GALNT13: variants seen among roughly 807,000 people sequenced by gnomAD.
GALNT13 encodes the protein polypeptide N-acetylgalactosaminyltransferase 13.
A neutral mutation model predicts 64.2 loss-of-function variants in GALNT13; 28 were observed. The ratio of observed to expected loss-of-function variants is 0.44; its 90% confidence interval spans 0.32 to 0.60. GALNT13 has a LOEUF of 0.60. GALNT13 is among the 20% of genes least tolerant of loss of function. The pLI, the probability that GALNT13 is intolerant of heterozygous loss-of-function variation, is 0.05. For synonymous variants in GALNT13, 214 were observed against 224.6 expected (o/e 0.95, Z 0.42); for missense variants, 577 against 669.8 (o/e 0.86, Z 1.53).
At chr2:153,489,014 T>C in the GALNT13 span, among the ~76,000 whole-genome samples, 1 of 152,154 alleles carries the variant, frequency 6.6e-6, no homozygotes, top group African/African-American at 2.4e-5. Flanking sequence ...GTGAAACAAC[T>C]GAGAGGCAGA....
intron 3 of GALNT13, among the ~76,000 whole-genome samples, chr2:154,139,083 A>C (rs1300135140): frequency 1.3e-5 from 2 of 151,784 alleles, no homozygotes; most frequent in Non-Finnish European, 2.9e-5. Context: ...ACTTTTTTTT[A>C]CCCATATCTA....
chr2:153,360,199 C>T, the GALNT13 span, among the ~76,000 whole-genome samples: 1 of 152,138 alleles, frequency 6.6e-6, no homozygotes, highest in African/African-American at 2.4e-5. Flanking sequence ...GCAGGGGAGC[C>T]CCCAACCCCC....
chr2:153,927,714 G>T (rs1026948662), intron 2 of GALNT13, among the ~76,000 whole-genome samples: 8 of 151,756 alleles, frequency 5.3e-5, no homozygotes, highest in African/African-American at 1.7e-4. Context: ...TCCTCTAATT[G>T]CCTGTCTTTT....
the GALNT13 span, among the ~76,000 whole-genome samples, chr2:153,199,717 G>A: frequency 6.6e-6 from 1 of 152,122 alleles, no homozygotes; most frequent in Non-Finnish European, 1.5e-5. Context: ...CTATGTTTAT[G>A]CTGTAAAATT....
chr2:153,890,379 A>G (rs1291389411), intron 1 of GALNT13, among the ~76,000 whole-genome samples: 1 of 151,996 alleles, frequency 6.6e-6, no homozygotes, highest in South Asian at 2.1e-4. Context: ...GAGTTTTGTT[A>G]GTATCGACAG....
the GALNT13 span, among the ~76,000 whole-genome samples, chr2:153,351,653 CT>C: frequency 6.6e-6 from 1 of 152,320 alleles, no homozygotes; most frequent in East Asian, 1.9e-4. Context: ...CAACTACTAT[CT>C]TTTCATTGTC....
At chr2:154,400,473 A>G (rs1699251935) in intron 10 of GALNT13, among the ~76,000 whole-genome samples, 1 of 152,110 alleles carries the variant, frequency 6.6e-6, no homozygotes, top group Non-Finnish European at 1.5e-5. Context: ...ATTTCCTTTT[A>G]TAACTTTCCT....
intron 4 of GALNT13, among the ~76,000 whole-genome samples, chr2:154,143,352 C>A (rs1217310058): frequency 1.3e-5 from 2 of 152,014 alleles, no homozygotes; most frequent in African/African-American, 2.4e-5. Context: ...TGGTTTTCAG[C>A]CCCAGGAACC....
intron 3 of GALNT13, among the ~76,000 whole-genome samples, chr2:153,976,814 T>G (rs1032443671): frequency 4.6e-5 from 7 of 152,072 alleles, no homozygotes; most frequent in African/African-American, 1.7e-4. Flanking sequence ...AATTTGCATA[T>G]TTTTGTAACA....
At chr2:153,139,778 G>GT in the GALNT13 span, among the ~76,000 whole-genome samples, 1 of 152,002 alleles carries the variant, frequency 6.6e-6, no homozygotes, top group East Asian at 1.9e-4. Flanking sequence ...ATGCCAGGAG[G>GT]TCTTGGCATG....
chr2:153,723,284 G>C, the GALNT13 span, among the ~76,000 whole-genome samples: 1 of 149,982 alleles, frequency 6.7e-6, no homozygotes, highest in African/African-American at 2.5e-5. Flanking sequence ...CAATAAATTA[G>C]GTATTGATGG....
At chr2:153,287,562 C>A in the GALNT13 span, among the ~76,000 whole-genome samples, 2 of 152,090 alleles carry the variant, frequency 1.3e-5, no homozygotes, top group Non-Finnish European at 2.9e-5. Flanking sequence ...GGAAGGTGGC[C>A]TTCCCCGGGG....
chr2:154,068,765 TA>T (rs1359727606), intron 3 of GALNT13, among the ~76,000 whole-genome samples: 1 of 151,948 alleles, frequency 6.6e-6, no homozygotes, highest in African/African-American at 2.4e-5. Flanking sequence ...GATTAATGAG[TA>T]CAAAAATATA....
chr2:153,082,592 TATATATATATATATATATATATATATAC>T, the GALNT13 span, among the ~76,000 whole-genome samples: 34 of 39,760 alleles, frequency 8.6e-4, no homozygotes, highest in Admixed American at 3.8e-3. Flanking sequence ...TATATATATA[TATATATATATATATATATATATATATAC>T]ACACACACAC....
At chr2:153,354,305 T>A in the GALNT13 span, 1 of 152,232 alleles carries the variant, frequency 6.6e-6, no homozygotes, top group African/African-American at 2.4e-5. Flanking sequence ...GAAGTGGAGA[T>A]CTTTTTCCCT....
At chr2:154,018,186 A>C (rs1697135504) in intron 3 of GALNT13, among the ~76,000 whole-genome samples, 1 of 152,190 alleles carries the variant, frequency 6.6e-6, no homozygotes, top group Non-Finnish European at 1.5e-5. Flanking sequence ...ACACTCAGTA[A>C]ATATATGAAC....
chr2:153,123,465 T>A, the GALNT13 span, among the ~76,000 whole-genome samples: 1 of 152,150 alleles, frequency 6.6e-6, no homozygotes, highest in African/African-American at 2.4e-5. Context: ...AAGGACAAGA[T>A]TAAGGGTGTT....
At chr2:154,205,965 G>A (rs1205636418) in intron 4 of GALNT13, among the ~76,000 whole-genome samples, 1 of 151,786 alleles carries the variant, frequency 6.6e-6, no homozygotes, top group Non-Finnish European at 1.5e-5. Flanking sequence ...TGACATACAT[G>A]TTTTGAAACA....
At chr2:154,065,256 C>G (rs1700401658) in intron 3 of GALNT13, among the ~76,000 whole-genome samples, 1 of 152,064 alleles carries the variant, frequency 6.6e-6, no homozygotes, top group African/African-American at 2.4e-5. Flanking sequence ...ACTCCAGACC[C>G]TGGTTTCTGG....
Sources: gnomAD v4.1 joint callset for allele counts (sites outside exome capture counted in the v4.1 genomes callset) on GRCh38, gnomAD v4.1.1 for gene constraint, MANE v1.5 for transcripts, NCBI Gene and HGNC (gene_info 2026-07-23, HGNC 2026-07-21) for gene names.